Variants in SLC30A9 observed in about 807,000 individuals in gnomAD.
The protein encoded by SLC30A9 is proton-coupled zinc antiporter SLC30A9, mitochondrial.
In SLC30A9, 58 loss-of-function variants were observed where a neutral mutation model predicts 87.5. The ratio of observed to expected loss-of-function variants is 0.66; its 90% CI spans 0.54 to 0.82. The LOEUF (loss-of-function observed/expected upper bound fraction) is 0.82, where lower values mean the gene tolerates loss of function less well. Ranked by LOEUF, SLC30A9 falls within the 40% of genes least tolerant of loss-of-function variation. The pLI, the probability that SLC30A9 is intolerant of heterozygous loss-of-function variation, is 0.00. For synonymous variants in SLC30A9, 234 were observed against 233.0 expected, an observed-to-expected ratio of 1.00 and a Z score of -0.04; for missense variants, 557 against 679.1, an observed-to-expected ratio of 0.82 and a Z score of 2.00.
At position 42,038,347 on chromosome 4, in the gene SLC30A9, C is replaced by G. The variant is rs922377585; in HGVS notation, c.670-639C>G. On this transcript the variant is annotated intron_variant, in intron 7 of 17. Transcript: ENST00000264451. ...ATTTCCTTTCCCTGTTTTGCCCCTC[C>G]CATGAGTTCCCAAACCTTTCTTCTA... Among the ~76,000 whole-genome samples, 3 of 152,104 alleles carry G rather than the reference C, an allele frequency of 2.0e-5. No homozygotes were observed. In the East Asian group the frequency reaches 5.8e-4, roughly 29 times the overall value.
intron 14 of SLC30A9, among the ~76,000 whole-genome samples, chr4:42,069,069 T>G (rs1014843121): frequency 6.6e-6 from 1 of 152,222 alleles, no homozygotes. Context: ...TGATGTTTAT[T>G]GTGATCCAAA....
Position 42,065,790 on chromosome 4 carries a change from C to T in SLC30A9, c.1072+441C>T, listed in dbSNP as rs150425430. ...ATTATTCCTTGATTGAACCCACCAC[C>T]ACTACTATCGCTGTTACTTGCCGAT... On this transcript the variant is annotated intron_variant, in intron 12 of 17. Coordinates refer to ENST00000264451, the MANE Select transcript of SLC30A9 (RefSeq NM_006345.4). Among the ~76,000 whole-genome samples, 870 of 152,254 alleles carry T rather than the reference C, an allele frequency of 5.7e-3. 4 individuals carry two copies. The highest frequency in any genetic ancestry group is 0.02 in the African/African-American group (833 of 41,530).
intron 3 of SLC30A9, chr4:42,018,524 T>G: frequency 1.2e-6 from 1 of 808,600 alleles, no homozygotes; most frequent in South Asian, 2.1e-5. Context: ...TGGCCGTTAT[T>G]GTCTGACTTT....
intron 4 of SLC30A9, among the ~76,000 whole-genome samples, chr4:42,021,295 T>C (rs1242063930): frequency 2.0e-5 from 3 of 152,230 alleles, no homozygotes; most frequent in Non-Finnish European, 4.4e-5. Flanking sequence ...ATGTTAGTGA[T>C]TGACCCAGCT....
intron 9 of SLC30A9, 103 bp downstream of exon 9, chr4:42,049,582 CT>C (rs1241943445): frequency 2.9e-5 from 16 of 554,442 alleles, no homozygotes; most frequent in Non-Finnish European, 3.9e-5. Flanking sequence ...CAGTAGTTGG[CT>C]TGTGGGATAA....
chr4:42,061,965 A>C (rs4312790), intron 10 of SLC30A9, among the ~76,000 whole-genome samples: 99,075 of 151,410 alleles, frequency 0.65, 36,821 homozygotes, highest in East Asian at 0.96. Flanking sequence ...GAGGCCGAGG[A>C]AGGCAGATCA....
At chr4:42,034,140 G>A in intron 6 of SLC30A9, among the ~76,000 whole-genome samples, 1 of 149,398 alleles carries the variant, frequency 6.7e-6, no homozygotes, top group Admixed American at 6.7e-5. Context: ...TCAACTTTGA[G>A]GTAAAAATGA....
At chr4:42,022,737 G>T in intron 4 of SLC30A9, 101 bp from the exon 5 acceptor site, 1 of 534,462 alleles carries the variant, frequency 1.9e-6, no homozygotes, top group Admixed American at 3.1e-5. Flanking sequence ...CTCTAAGATG[G>T]GGATCAGTGT....
chr4:42,027,160 A>G (rs1027170447), intron 6 of SLC30A9, among the ~76,000 whole-genome samples: 4 of 152,224 alleles, frequency 2.6e-5, no homozygotes, highest in Non-Finnish European at 4.4e-5. Flanking sequence ...TTATAAGCCA[A>G]GAGTGGTTTT....
At chr4:42,020,609 A>G (rs973532189) in intron 4 of SLC30A9, 94 bp downstream of exon 4, 11 of 622,922 alleles carry the variant, frequency 1.8e-5, no homozygotes, top group South Asian at 2.7e-5. Context: ...CCATCCATAT[A>G]TGGAAAATTT....
intron 1 of SLC30A9, among the ~76,000 whole-genome samples, chr4:41,997,434 A>G (rs1714768138): frequency 6.6e-6 from 1 of 152,010 alleles, no homozygotes. Flanking sequence ...ACACATTCTT[A>G]GGTTTTTTTT....
intron 17 of SLC30A9, among the ~76,000 whole-genome samples, chr4:42,080,648 C>G (rs1387838017): frequency 6.6e-6 from 1 of 152,168 alleles, no homozygotes; most frequent in Non-Finnish European, 1.5e-5. Flanking sequence ...AGGCCCCCAT[C>G]ATATATCACA....
chr4:42,062,130 G>T (rs1218245339), intron 10 of SLC30A9, among the ~76,000 whole-genome samples: 1 of 151,100 alleles, frequency 6.6e-6, no homozygotes. Context: ...GGAGGTGGAG[G>T]TTGCAGTGAG....
rs1424451210 is a variant in SLC30A9 at position 42,029,828 on chromosome 4, C to T, written c.611-5447C>T. 14 of 723,868 alleles carry T rather than the reference C, an allele frequency of 1.9e-5. No individual in the cohort carries two copies. In the Middle Eastern group the frequency reaches 7.4e-4, roughly 38 times the overall value. The allele number at this position is 723,868 out of a possible 1,614,324, so 44.8% of individuals were successfully genotyped here. ...AGACTTACCCAGTGATGAAGTATAA[C>T]GCATCTGTGTTTCCTGTTCAGTGCA... On this transcript the variant is annotated intron_variant, in intron 6 of 17. Transcript: ENST00000264451.
chr4:41,995,188 AGGC>A (rs1714645646), intron 1 of SLC30A9, among the ~76,000 whole-genome samples: 1 of 152,170 alleles, frequency 6.6e-6, no homozygotes, highest in Non-Finnish European at 1.5e-5. Flanking sequence ...TGAACCCAGG[AGGC>A]AGAGGCTGCA....
intron 2 of SLC30A9, among the ~76,000 whole-genome samples, chr4:42,004,159 A>G (rs1343635079): frequency 1.3e-5 from 2 of 152,188 alleles, no homozygotes; most frequent in African/African-American, 2.4e-5. Context: ...GGCTTCCACT[A>G]ATTGTTGAGA....
chr4:42,051,515 TGAAAG>T (rs1260190664), intron 9 of SLC30A9, among the ~76,000 whole-genome samples: 1 of 152,130 alleles, frequency 6.6e-6, no homozygotes, highest in Non-Finnish European at 1.5e-5. Flanking sequence ...AGTCATGTAT[TGAAAG>T]GAAAATATGA....
At chr4:42,070,444 G>C (rs758783743) in intron 14 of SLC30A9, 82 bp from the exon 15 acceptor site, 153 of 1,067,204 alleles carry the variant, frequency 1.4e-4, no homozygotes, top group Non-Finnish European at 7.5e-5. Context: ...TGATTTACTC[G>C]TTCTGGTTCT....
chr4:42,072,065 A>G (rs1358227488), intron 15 of SLC30A9, among the ~76,000 whole-genome samples: 1 of 152,184 alleles, frequency 6.6e-6, no homozygotes, highest in African/African-American at 2.4e-5. Context: ...ATTTGTTGGT[A>G]TACAGCTATT....
Sources: gnomAD v4.1 joint callset for allele counts (sites outside exome capture counted in the v4.1 genomes callset) on GRCh38, gnomAD v4.1.1 for gene constraint, MANE v1.5 for transcripts, NCBI Gene and HGNC (gene_info 2026-07-23, HGNC 2026-07-21) for gene names.